The following DCLK1 variants were observed in gnomAD, a reference collection of about 807,000 sequenced individuals.
DCLK1 encodes the protein doublecortin like kinase 1.
In DCLK1, 16 loss-of-function variants were observed where a neutral mutation model predicts 86.2. The ratio of observed to expected loss-of-function variants is 0.19; its 90% CI spans 0.13 to 0.28. The LOEUF is 0.28. Among genes scored for constraint, DCLK1 ranks in the 10% least tolerant of loss-of-function variants. DCLK1 has a pLI of 1.00. For missense variants in DCLK1, 590 were observed against 940.2 expected (o/e 0.63, Z 4.87); for synonymous variants, 369 against 370.5 (o/e 1.00, Z 0.05).
At chr13:36,124,883 C>T (rs1181782802) in intron 2 of DCLK1, among the ~76,000 whole-genome samples, 1 of 152,054 alleles carries the variant, frequency 6.6e-6, no homozygotes, top group African/African-American at 2.4e-5. Flanking sequence ...TTTTTTGCAC[C>T]TTGGTATACA....
intron 4 of DCLK1, among the ~76,000 whole-genome samples, chr13:35,919,225 TA>T (rs1875633168): frequency 6.6e-6 from 1 of 152,060 alleles, no homozygotes; most frequent in Non-Finnish European, 1.5e-5. Context: ...TGGTACTAAT[TA>T]AGTTTTTTAA....
chr13:35,788,454 G>C (rs983530387), intron 16 of DCLK1, among the ~76,000 whole-genome samples: 10 of 152,152 alleles, frequency 6.6e-5, no homozygotes, highest in African/African-American at 2.4e-4. Context: ...CAAAAAGGCA[G>C]GAAGTGACAC....
intron 5 of DCLK1, among the ~76,000 whole-genome samples, chr13:35,866,080 A>T (rs746966587): frequency 6.6e-6 from 1 of 152,150 alleles, no homozygotes; most frequent in Non-Finnish European, 1.5e-5. Context: ...CCCCGGTGCC[A>T]GCCCCGAGTT....
Position 35,904,320 on chromosome 13 carries a change from A to C in DCLK1, c.824-32980T>G, listed in dbSNP as rs999932454. Among the ~76,000 whole-genome samples, 3 of 152,194 alleles carry C rather than the reference A, an allele frequency of 2.0e-5. No individual in the cohort carries two copies. The East Asian group carries it at 5.8e-4, about 29-fold the overall frequency. ...AATCTCCGCCTCCTGGGTTCAAGCT[A>C]TTCTCGTGCCTCAGCCGGGTGCCAC... On this transcript the variant is annotated intron_variant, in intron 4 of 16. Coordinates refer to ENST00000360631, the MANE Select transcript of DCLK1 (RefSeq NM_001330071.2).
At chr13:35,845,390 ATTAAC>A (rs768004731) in intron 6 of DCLK1, among the ~76,000 whole-genome samples, 11 of 152,134 alleles carry the variant, frequency 7.2e-5, no homozygotes, top group Non-Finnish European at 1.3e-4. Flanking sequence ...CATTATTTTA[ATTAAC>A]TTTATTTTTA....
chr13:36,106,155 A>G (rs1002497414), intron 3 of DCLK1, among the ~76,000 whole-genome samples: 2 of 152,140 alleles, frequency 1.3e-5, no homozygotes. Flanking sequence ...TAAAATATAC[A>G]TCACTGCAGG....
intron 4 of DCLK1, among the ~76,000 whole-genome samples, chr13:35,878,480 C>G (rs920150565): frequency 2.0e-5 from 3 of 151,914 alleles, no homozygotes; most frequent in African/African-American, 7.3e-5. Context: ...CAATCAAGAT[C>G]AAAACACTCT....
At chr13:36,000,752 C>T (rs186358239) in intron 3 of DCLK1, among the ~76,000 whole-genome samples, 641 of 152,182 alleles carry the variant, frequency 4.2e-3, no homozygotes, top group Middle Eastern at 0.01. Context: ...AATAAAAACC[C>T]TGAATATGTT....
intron 3 of DCLK1, among the ~76,000 whole-genome samples, chr13:35,955,562 G>T (rs1038701021): frequency 2.0e-5 from 3 of 152,130 alleles, no homozygotes; most frequent in African/African-American, 7.2e-5. Flanking sequence ...ATAGGAATTT[G>T]GGGGGATACA....
intron 10 of DCLK1, 132 bp downstream of exon 10, chr13:35,827,503 T>C (rs993289560): frequency 9.0e-6 from 10 of 1,114,654 alleles, no homozygotes; most frequent in Non-Finnish European, 1.1e-5. Context: ...CCTGTGAACA[T>C]TCCTAATCAC....
At chr13:35,848,252 T>C (rs1197290063) in intron 6 of DCLK1, 3 of 984,772 alleles carry the variant, frequency 3.0e-6, no homozygotes, top group Non-Finnish European at 3.6e-6. Flanking sequence ...AACTCAATCA[T>C]AAGTGCCTAT....
intron 5 of DCLK1, chr13:35,855,400 C>T: frequency 9.5e-7 from 1 of 1,057,718 alleles, no homozygotes; most frequent in East Asian, 2.6e-5. Context: ...GTAAAAATGG[C>T]ATTACAGCCC....
chr13:36,018,756 A>G (rs1377678261), intron 3 of DCLK1, among the ~76,000 whole-genome samples: 1 of 152,196 alleles, frequency 6.6e-6, no homozygotes, highest in Non-Finnish European at 1.5e-5. Context: ...TTAAAAGTGT[A>G]TCCCTTTCTC....
chr13:35,794,267 T>C (rs1468658796), intron 15 of DCLK1, among the ~76,000 whole-genome samples: 1 of 152,230 alleles, frequency 6.6e-6, no homozygotes, highest in Non-Finnish European at 1.5e-5. Context: ...TTGCTCACTA[T>C]AGAATCTCCA....
At position 35,967,237 on chromosome 13, in the gene DCLK1, C is replaced by A. The variant is rs565480362; in HGVS notation, c.724-19780G>T. On this transcript the variant is annotated intron_variant, in intron 3 of 16. Transcript: ENST00000360631. Reference sequence around the variant, plus strand: ...GAGCCCCTCTGCCCGGCCGCCGCCCCGTCTGGGAGGTTGGGGGCGCCTCTG... The same window carrying A: ...GAGCCCCTCTGCCCGGCCGCCGCCCAGTCTGGGAGGTTGGGGGCGCCTCTG... Among the ~76,000 whole-genome samples, 40 of 151,666 alleles carry A rather than the reference C, an allele frequency of 2.6e-4. No individual in the cohort carries two copies. The South Asian group carries it at 7.5e-3, about 29-fold the overall frequency.
chr13:35,966,337 C>T (rs990525403), intron 3 of DCLK1, among the ~76,000 whole-genome samples: 7 of 152,094 alleles, frequency 4.6e-5, no homozygotes, highest in African/African-American at 1.7e-4. Context: ...ATTTCTGCAC[C>T]CATGTTAATA....
chr13:35,894,670 G>T (rs866890186), intron 4 of DCLK1, among the ~76,000 whole-genome samples: 4 of 152,148 alleles, frequency 2.6e-5, no homozygotes, highest in Admixed American at 2.0e-4. Flanking sequence ...GGAGTGAACA[G>T]CCCAGTGTGC....
At chr13:35,900,809 C>A (rs763728582) in intron 4 of DCLK1, among the ~76,000 whole-genome samples, 1 of 152,126 alleles carries the variant, frequency 6.6e-6, no homozygotes, top group African/African-American at 2.4e-5. Flanking sequence ...GGGACAAAAT[C>A]CCCTCTGTTG....
chr13:35,793,222 AC>A, intron 16 of DCLK1, 143 bp downstream of exon 16: 1 of 514,404 alleles, frequency 1.9e-6, no homozygotes, highest in Non-Finnish European at 3.4e-6. Context: ...TAAGTCCCAT[AC>A]CTCCTCTAGT....
Sources: gnomAD v4.1 joint callset for allele counts (sites outside exome capture counted in the v4.1 genomes callset) on GRCh38, gnomAD v4.1.1 for gene constraint, MANE v1.5 for transcripts, NCBI Gene and HGNC (gene_info 2026-07-23, HGNC 2026-07-21) for gene names.